The following NSG1 variants were observed in gnomAD, a reference collection of about 807,000 sequenced individuals.
NSG1 encodes neuronal vesicle trafficking associated 1.
In NSG1, 9 loss-of-function variants were observed where a neutral mutation model predicts 19.3. The observed-to-expected ratio is 0.47, with a 90% CI of 0.28 to 0.81. The LOEUF is 0.81. Ranked by LOEUF, NSG1 falls within the 40% of genes least tolerant of loss-of-function variation. The pLI is 0.11. For synonymous variants in NSG1, 104 were observed against 107.0 expected (o/e 0.97, Z 0.17); for missense variants, 236 against 242.4 (o/e 0.97, Z 0.18).
chr4:4,388,118 G>C (rs1183579534), intron 2 of NSG1, among the ~76,000 whole-genome samples: 4 of 152,184 alleles, frequency 2.6e-5, no homozygotes, highest in African/African-American at 9.6e-5. Flanking sequence ...TGAGCCTAGG[G>C]GCGGGCGAGG....
At chr4:4,398,044 C>G (rs1046895205) in intron 3 of NSG1, among the ~76,000 whole-genome samples, 2 of 152,136 alleles carry the variant, frequency 1.3e-5, no homozygotes, top group African/African-American at 4.8e-5. Flanking sequence ...ACCTCCACCC[C>G]ACCAGGTTCA....
intron 4 of NSG1, among the ~76,000 whole-genome samples, chr4:4,412,175 G>T (rs1250518213): frequency 6.6e-6 from 1 of 152,200 alleles, no homozygotes; most frequent in Admixed American, 6.5e-5. Context: ...TATGCCGCGT[G>T]TGGCTGTAAA....
At chr4:4,411,972 T>C (rs1724229116) in intron 4 of NSG1, among the ~76,000 whole-genome samples, 1 of 152,132 alleles carries the variant, frequency 6.6e-6, no homozygotes, top group South Asian at 2.1e-4. Context: ...CTGTATGTAA[T>C]TGTATGTGCA....
At chr4:4,410,074 A>G (rs1179901633) in intron 4 of NSG1, among the ~76,000 whole-genome samples, 12 of 152,046 alleles carry the variant, frequency 7.9e-5, no homozygotes, top group Admixed American at 6.5e-4. Flanking sequence ...ATGAAAGAGG[A>G]GAGGATGTAC....
intron 3 of NSG1, among the ~76,000 whole-genome samples, chr4:4,405,226 C>T (rs1012168175): frequency 5.9e-5 from 9 of 152,164 alleles, no homozygotes; most frequent in South Asian, 2.1e-4. Context: ...TGTAATCTTC[C>T]GTCCTCACGC....
chr4:4,415,658 G>C (rs1404165459), intron 4 of NSG1: 3 of 156,028 alleles, frequency 1.9e-5, no homozygotes, highest in Non-Finnish European at 4.3e-5. Context: ...CTTCTCCCTG[G>C]GCGGGGCACC....
At position 4,417,257 on chromosome 4, in the gene NSG1, G is replaced by A. The variant is rs1171117599; in HGVS notation, c.380G>A (p.Gly127Asp). The change falls in exon 5 of 5, where the codon GGC (glycine) becomes GAC (aspartate). Residue 127 changes from glycine to aspartate, a missense_variant. Physicochemically the swap from Gly to Asp is moderately conservative, Grantham distance 94. Transcript: ENST00000621129. The stretch of plus-strand genomic sequence containing the variant: ...CAGAACACCCAGTGCATCCCAGAAG[G>A]CTTGGAGAGCTACTACGCGGAGCAA... ...VLKNTQCIPE[G>D]LESYYAEQDS... 3 of 1,614,124 alleles carry A rather than the reference G, an allele frequency of 1.9e-6. No homozygotes were observed. The highest frequency in any genetic ancestry group is 1.1e-5 in the South Asian group (1 of 91,082).
chr4:4,409,429 C>A lies in NSG1; in HGVS notation c.247-144C>A, dbSNP rs1724046099. The A allele has an allele frequency of 1.1e-5, 7 of 644,258 alleles. No homozygotes were observed. In the South Asian group the frequency reaches 1.3e-4, roughly 12 times the overall value. The allele number at this position is 644,258 out of a possible 1,614,324, so 39.9% of individuals were successfully genotyped here. Reference sequence around the variant, plus strand: ...CCCAGTGAACAGTGATGCTTCTAACCTCTTGTGCCTAGCTGCCCTTACCAG... The same window carrying A: ...CCCAGTGAACAGTGATGCTTCTAACATCTTGTGCCTAGCTGCCCTTACCAG... On this transcript the variant is annotated intron_variant, in intron 3 of 4. Coordinates refer to ENST00000621129, the MANE Select transcript of NSG1 (RefSeq NM_014392.5).
In NSG1 at chr4:4,387,511, ACG is replaced by A. The variant is rs1434438780; in HGVS notation, c.-26-91_-26-90del. ...CGAAGCGGGGCCGGGGAGCTCGCGGACGCCGGGACGCCGGTGGGTGTGGGTGC... is the reference window on the plus strand; with the variant it reads ...CGAAGCGGGGCCGGGGAGCTCGCGGACCGGGACGCCGGTGGGTGTGGGTGC... On this transcript the variant is annotated intron_variant, in intron 1 of 4. Transcript: ENST00000621129. The A allele has an allele frequency of 3.7e-6, 3 of 818,902 alleles. No homozygotes were observed. In the Admixed American group the frequency reaches 8.5e-5, roughly 23 times the overall value. 50.7% of individuals were successfully genotyped at this position (818,902 alleles called of 1,614,324 possible). A position where few individuals can be genotyped will look rare whatever the true frequency, so the allele number is the denominator to read the frequency against.
At position 4,417,540 on chromosome 4, in the gene NSG1, A is replaced by G; in HGVS notation, c.*105A>G. On this transcript the variant is annotated 3_prime_UTR_variant, in exon 5 of 5. Coordinates refer to ENST00000621129, the MANE Select transcript of NSG1 (RefSeq NM_014392.5). ...CTGATACTTTAGAGGTTACTCATTTACGGTGCAATTGCTTCTGTTTGCTAA... is the reference window on the plus strand; with the variant it reads ...CTGATACTTTAGAGGTTACTCATTTGCGGTGCAATTGCTTCTGTTTGCTAA... The G allele has an allele frequency of 4.4e-6, 5 of 1,141,262 alleles. No individual in the cohort carries two copies. Among genetic ancestry groups the G allele is most frequent in the Middle Eastern group, 4.9e-4 (2 of 4,118 alleles). The allele number at this position is 1,141,262 out of a possible 1,614,324, so 70.7% of individuals were successfully genotyped here.
chr4:4,405,444 CCTT>C (rs1202187350), intron 3 of NSG1, among the ~76,000 whole-genome samples: 2 of 152,178 alleles, frequency 1.3e-5, no homozygotes, highest in Admixed American at 1.3e-4. Context: ...GGTCTCTTGT[CCTT>C]CTCCTGAGAT....
At chr4:4,415,433 G>A (rs1181564078) in intron 4 of NSG1, among the ~76,000 whole-genome samples, 2 of 152,186 alleles carry the variant, frequency 1.3e-5, no homozygotes, top group Non-Finnish European at 2.9e-5. Flanking sequence ...ACAGGTGAGG[G>A]TGGCTCTGTA....
At chr4:4,408,057 C>T (rs557453153) in intron 3 of NSG1, among the ~76,000 whole-genome samples, 3 of 152,266 alleles carry the variant, frequency 2.0e-5, no homozygotes, top group Admixed American at 1.3e-4. Flanking sequence ...GTGCCTGGGA[C>T]GCCCTTGGTC....
At chr4:4,407,559 A>G (rs1723934969) in intron 3 of NSG1, among the ~76,000 whole-genome samples, 1 of 152,148 alleles carries the variant, frequency 6.6e-6, no homozygotes, top group African/African-American at 2.4e-5. Context: ...CTGACTGCAG[A>G]GAGGCCACGT....
chr4:4,388,489 C>T (rs1431292363), intron 2 of NSG1, among the ~76,000 whole-genome samples: 1 of 152,166 alleles, frequency 6.6e-6, no homozygotes, highest in Admixed American at 6.5e-5. Flanking sequence ...ATAATATTTC[C>T]AAGAGTTAAC....
At chr4:4,408,854 C>T (rs970987024) in intron 3 of NSG1, among the ~76,000 whole-genome samples, 11 of 152,174 alleles carry the variant, frequency 7.2e-5, no homozygotes, top group African/African-American at 9.7e-5. Context: ...TCTAGTGACC[C>T]ATGCCCCGTG....
At chr4:4,415,577 C>T (rs1301368895) in intron 4 of NSG1, among the ~76,000 whole-genome samples, 2 of 151,980 alleles carry the variant, frequency 1.3e-5, no homozygotes, top group African/African-American at 4.8e-5. Context: ...ACCATGGGCA[C>T]CAAGGTGCCT....
In NSG1 at chr4:4,387,175, T is replaced by G; in HGVS notation, c.-27+2T>G. On this transcript the variant is annotated splice_donor_variant, in intron 1 of 4. Transcript: ENST00000621129. LOFTEE classifies it low-confidence loss of function (5UTR_SPLICE). ...CTGACCTGCCGGAGCCGGGCGTGGG[T>G]GAGTGCGGCCGGCCGCGCCTGGGCT... 1 of 153,936 alleles carries G rather than the reference T, an allele frequency of 6.5e-6. No homozygotes were observed. Among genetic ancestry groups the G allele is most frequent in the Non-Finnish European group, 1.4e-5 (1 of 69,478 alleles). 9.5% of individuals were successfully genotyped at this position (153,936 alleles called of 1,614,324 possible).
At chr4:4,402,011 G>T (rs1168008160) in intron 3 of NSG1, among the ~76,000 whole-genome samples, 10 of 150,826 alleles carry the variant, frequency 6.6e-5, no homozygotes, top group African/African-American at 2.4e-4. Context: ...CTCCTGAGCA[G>T]CTGGGACCAC....
Sources: gnomAD v4.1 joint callset for allele counts (sites outside exome capture counted in the v4.1 genomes callset) on GRCh38, gnomAD v4.1.1 for gene constraint, MANE v1.5 for transcripts, NCBI Gene and HGNC (gene_info 2026-07-23, HGNC 2026-07-21) for gene names.